Variants in NRXN2 observed in about 807,000 individuals in gnomAD.
The protein encoded by NRXN2 is neurexin 2.
A neutral mutation model predicts 128.8 loss-of-function variants in NRXN2; 29 were observed. That is an observed-to-expected ratio of 0.23 (90% CI 0.17 to 0.31). The LOEUF (loss-of-function observed/expected upper bound fraction) is 0.31, where lower values mean the gene tolerates loss of function less well. Ranked by LOEUF, NRXN2 falls within the 10% of genes least tolerant of loss-of-function variation. The pLI is 1.00. For synonymous variants in NRXN2, 1,098 were observed against 1,075.2 expected (o/e 1.02, Z -0.41); for missense variants, 1,881 against 2,452.6 (o/e 0.77, Z 4.92).
intron 22 of NRXN2, among the ~76,000 whole-genome samples, chr11:64,615,487 C>A (rs541575989): frequency 6.6e-6 from 1 of 152,336 alleles, no homozygotes; most frequent in Admixed American, 6.5e-5. Context: ...CCTGCATGTG[C>A]CTCTGAGGGT....
intron 2 of NRXN2, among the ~76,000 whole-genome samples, chr11:64,706,364 T>C (rs1461705412): frequency 7.2e-6 from 1 of 139,202 alleles, no homozygotes; most frequent in African/African-American, 2.6e-5. Context: ...GATGTTCCCC[T>C]TCCTGTGTCC....
intron 9 of NRXN2, among the ~76,000 whole-genome samples, chr11:64,662,993 C>A (rs2049268410): frequency 1.3e-5 from 2 of 152,088 alleles, no homozygotes; most frequent in Non-Finnish European, 2.9e-5. Context: ...AATGTGAGCA[C>A]AGGGTGGGAA....
chr11:64,685,607 G>C (rs772384571), intron 6 of NRXN2, 39 bp downstream of exon 6: 70 of 1,613,490 alleles, frequency 4.3e-5, no homozygotes, highest in Non-Finnish European at 5.9e-5. Context: ...TTCTACCCCA[G>C]GTATAGCTAA....
intron 17 of NRXN2, among the ~76,000 whole-genome samples, chr11:64,646,063 G>T (rs2046607387): frequency 6.6e-6 from 1 of 152,142 alleles, no homozygotes; most frequent in African/African-American, 2.4e-5. Context: ...AGAGAGGATT[G>T]GGTCCCACTC....
At chr11:64,663,408 G>C (rs1226267315) in intron 9 of NRXN2, among the ~76,000 whole-genome samples, 1 of 151,104 alleles carries the variant, frequency 6.6e-6, no homozygotes, top group Non-Finnish European at 1.5e-5. Context: ...CTGAACCAGA[G>C]CTGTGCCCTC....
Position 64,635,393 on chromosome 11 carries a change from T to TG in NRXN2, c.3462dup (p.Asn1155GlnfsTer2), listed in dbSNP as rs1480691765. ...TCCATCCTCGTGCTGGGCCTGTCATTGGGGGGCCACGTGTAGGTGATGAGC... is the reference window on the plus strand; with the variant it reads ...TCCATCCTCGTGCTGGGCCTGTCATTGGGGGGGCCACGTGTAGGTGATGAGC... On this transcript the variant is annotated frameshift_variant, in exon 18 of 23. Coordinates refer to ENST00000265459, the MANE Select transcript of NRXN2 (RefSeq NM_015080.4). LOFTEE classifies it high-confidence loss of function. The surrounding 1 kb of genome is among the most constrained non-coding windows in gnomAD (Gnocchi z 4.8). 1 of 1,613,772 alleles carries TG rather than the reference T, an allele frequency of 6.2e-7. No individual in the cohort carries two copies.
At chr11:64,647,739 T>A (rs1362806315) in intron 17 of NRXN2, among the ~76,000 whole-genome samples, 1 of 152,182 alleles carries the variant, frequency 6.6e-6, no homozygotes, top group Non-Finnish European at 1.5e-5. Context: ...TGGGGTGTGG[T>A]CCTGCTCTCA....
At chr11:64,638,575 G>A (rs1014908864) in intron 17 of NRXN2, among the ~76,000 whole-genome samples, 6 of 152,280 alleles carry the variant, frequency 3.9e-5, no homozygotes, top group Middle Eastern at 3.4e-3. Context: ...TAGGAGACAC[G>A]GAGCGCAAAA....
intron 5 of NRXN2, chr11:64,688,426 A>G (rs1355260972): frequency 1.0e-6 from 1 of 985,266 alleles, no homozygotes; most frequent in East Asian, 1.1e-4. Context: ...TGGTGAGGAG[A>G]GAGAGAGAGA....
intron 22 of NRXN2, among the ~76,000 whole-genome samples, chr11:64,612,364 T>C (rs887467434): frequency 2.0e-5 from 3 of 152,136 alleles, no homozygotes; most frequent in African/African-American, 2.4e-5. Flanking sequence ...AGGAGTCTGA[T>C]AGGACCCCAG....
intron 4 of NRXN2, among the ~76,000 whole-genome samples, chr11:64,692,475 A>C (rs780853428): frequency 6.6e-6 from 1 of 152,180 alleles, no homozygotes; most frequent in Non-Finnish European, 1.5e-5. Context: ...AGGAAATCAA[A>C]CACCACCATG....
At chr11:64,673,682 T>TTTTG (rs1436376822) in intron 7 of NRXN2, among the ~76,000 whole-genome samples, 1 of 110,820 alleles carries the variant, frequency 9.0e-6, no homozygotes, top group Non-Finnish European at 2.5e-5. Context: ...CTTTTTTTTG[T>TTTTG]TTTGTTTGTG....
chr11:64,671,145 C>G (rs12280878), intron 7 of NRXN2, among the ~76,000 whole-genome samples: 1 of 152,050 alleles, frequency 6.6e-6, no homozygotes, highest in Admixed American at 6.5e-5. Context: ...GCTCCCTACC[C>G]GGAAAGGGCT....
At chr11:64,634,491 T>A (rs1312439322) in intron 18 of NRXN2, among the ~76,000 whole-genome samples, 2 of 151,074 alleles carry the variant, frequency 1.3e-5, no homozygotes, top group Non-Finnish European at 3.0e-5. Context: ...AAACGGTGAG[T>A]CAAGGAGCTG....
At chr11:64,673,821 C>A (rs2050938637) in intron 7 of NRXN2, among the ~76,000 whole-genome samples, 1 of 152,018 alleles carries the variant, frequency 6.6e-6, no homozygotes, top group Non-Finnish European at 1.5e-5. Flanking sequence ...GGTGGAATGC[C>A]TGAGCTCAGC....
At chr11:64,621,727 C>T (rs1350368991) in intron 21 of NRXN2, among the ~76,000 whole-genome samples, 5 of 152,198 alleles carry the variant, frequency 3.3e-5, no homozygotes, top group Middle Eastern at 3.4e-3. Context: ...CCAGACAGGG[C>T]GATGGGAAGA....
chr11:64,622,892 G>A lies in NRXN2; in HGVS notation c.4034C>T (p.Ser1345Phe). ...GHLRLVGEGP[S>F]VLLSAETTAT... The stretch of plus-strand genomic sequence containing the variant: ...CGTGGTCTCCGCACTGAGCAGCACG[G>A]ACGGCCCCTCCCCCACCAGGCGCAG... The change falls in exon 21 of 23, where the codon TCC becomes TTC. Residue 1345 changes from serine (S) to phenylalanine (F), a missense_variant. Physicochemically the swap from Ser to Phe is radical, Grantham distance 155 (BLOSUM62 -2). Coordinates refer to ENST00000265459, the MANE Select transcript of NRXN2 (RefSeq NM_015080.4). This position sits in a 1 kb window ranked among gnomAD's most constrained non-coding sequence, Gnocchi z 4.3. 1 of 1,613,114 alleles carries A rather than the reference G, an allele frequency of 6.2e-7. No homozygotes were observed. Among genetic ancestry groups the A allele is most frequent in the Non-Finnish European group, 8.5e-7 (1 of 1,179,852 alleles).
chr11:64,709,444 T>A (rs570939174), intron 2 of NRXN2, among the ~76,000 whole-genome samples: 1 of 151,864 alleles, frequency 6.6e-6, no homozygotes, highest in East Asian at 1.9e-4. Context: ...CAAGATATTA[T>A]AAAAGCTACC....
chr11:64,668,409 G>T (rs773425677), intron 8 of NRXN2, 34 bp downstream of exon 8: 1 of 1,611,368 alleles, frequency 6.2e-7, no homozygotes, highest in South Asian at 1.1e-5. Flanking sequence ...AAGGGCTCCT[G>T]AACAGCCTGC....
Sources: gnomAD v4.1 joint callset for allele counts (sites outside exome capture counted in the v4.1 genomes callset) on GRCh38, gnomAD v4.1.1 for gene constraint, Gnocchi (gnomAD v3.1) non-coding constraint, MANE v1.5 for transcripts, NCBI Gene and HGNC (gene_info 2026-07-23, HGNC 2026-07-21) for gene names.